The following TMEM244 variants were observed in gnomAD, a reference collection of about 807,000 sequenced individuals.
TMEM244 encodes putative transmembrane protein 244.
Under a neutral mutation model 15.8 loss-of-function variants are expected in TMEM244, and 13 were observed. The ratio of observed to expected loss-of-function variants is 0.82; its 90% CI spans 0.53 to 1.30. TMEM244 has a LOEUF of 1.30. Ranked by LOEUF, TMEM244 falls within the 50% of genes most tolerant of loss-of-function variation. TMEM244 has a pLI of 0.00. For missense variants in TMEM244, 161 were observed against 144.9 expected, an observed-to-expected ratio of 1.11 and a Z score of -0.57; for synonymous variants, 45 against 48.7, an observed-to-expected ratio of 0.92 and a Z score of 0.32.
intron 4 of TMEM244, among the ~76,000 whole-genome samples, chr6:129,832,522 A>G (rs936588377): frequency 2.6e-5 from 4 of 152,200 alleles, no homozygotes; most frequent in African/African-American, 9.7e-5. Context: ...ATTTTGACTG[A>G]CATGCTTTAA....
intron 3 of TMEM244, among the ~76,000 whole-genome samples, chr6:129,834,221 T>A (rs1271510926): frequency 2.6e-5 from 4 of 152,206 alleles, no homozygotes; most frequent in Non-Finnish European, 5.9e-5. Context: ...GCTAGATATT[T>A]ACAGGTGAGA....
chr6:129,852,368 G>T (rs118086254), intron 1 of TMEM244, among the ~76,000 whole-genome samples: 1 of 152,112 alleles, frequency 6.6e-6, no homozygotes, highest in Non-Finnish European at 1.5e-5. Context: ...TGTGCAAGAC[G>T]CCAAGCAAGC....
intron 1 of TMEM244, among the ~76,000 whole-genome samples, chr6:129,851,094 T>A (rs1269338065): frequency 6.6e-6 from 1 of 152,136 alleles, no homozygotes; most frequent in South Asian, 2.1e-4. Context: ...TGTCTTTCAT[T>A]TGCATTTCAC....
intron 4 of TMEM244, among the ~76,000 whole-genome samples, chr6:129,832,329 C>A (rs1447536088): frequency 6.6e-6 from 1 of 151,958 alleles, no homozygotes; most frequent in Non-Finnish European, 1.5e-5. Flanking sequence ...AACTCCTGAC[C>A]TCAGGTGATC....
At chr6:129,848,894 TAC>T (rs1365941033) in intron 1 of TMEM244, among the ~76,000 whole-genome samples, 2 of 152,198 alleles carry the variant, frequency 1.3e-5, no homozygotes, top group African/African-American at 4.8e-5. Context: ...AGATGAATAA[TAC>T]ATAGTCTCTA....
intron 1 of TMEM244, among the ~76,000 whole-genome samples, chr6:129,850,540 A>T (rs1776624329): frequency 6.6e-6 from 1 of 152,196 alleles, no homozygotes; most frequent in African/African-American, 2.4e-5. Context: ...GGACAATAAG[A>T]GGAGCAGGAT....
chr6:129,837,449 G>C (rs907211130), intron 3 of TMEM244, among the ~76,000 whole-genome samples: 1 of 152,108 alleles, frequency 6.6e-6, no homozygotes, highest in African/African-American at 2.4e-5. Context: ...AGGAACAACA[G>C]GTACTAGCCA....
At chr6:129,847,453 G>A (rs1257207256) in intron 1 of TMEM244, among the ~76,000 whole-genome samples, 2 of 152,166 alleles carry the variant, frequency 1.3e-5, no homozygotes, top group Non-Finnish European at 2.9e-5. Flanking sequence ...GGCAAGAGGA[G>A]AAGGTAGTTA....
chr6:129,847,510 G>T (rs1055983768), intron 1 of TMEM244, among the ~76,000 whole-genome samples: 1 of 152,136 alleles, frequency 6.6e-6, no homozygotes, highest in Non-Finnish European at 1.5e-5. Context: ...CAAATTTACA[G>T]ATCTACCAAG....
At chr6:129,840,543 CA>C (rs1776475227) in intron 3 of TMEM244, among the ~76,000 whole-genome samples, 1 of 152,038 alleles carries the variant, frequency 6.6e-6, no homozygotes, top group Admixed American at 6.5e-5. Context: ...ACTAAAACCC[CA>C]AAAGCAATGG....
chr6:129,846,665 G>T (rs922537723), intron 1 of TMEM244, among the ~76,000 whole-genome samples: 5 of 151,938 alleles, frequency 3.3e-5, no homozygotes, highest in Admixed American at 6.6e-5. Flanking sequence ...ATATAATCTT[G>T]CCAATTATAA....
At chr6:129,837,994 T>A (rs1198780685) in intron 3 of TMEM244, among the ~76,000 whole-genome samples, 1 of 152,138 alleles carries the variant, frequency 6.6e-6, no homozygotes, top group Non-Finnish European at 1.5e-5. Context: ...CACCCCACTG[T>A]CAATATTAGA....
intron 3 of TMEM244, among the ~76,000 whole-genome samples, chr6:129,835,713 A>G (rs1362004871): frequency 6.6e-6 from 1 of 152,174 alleles, no homozygotes; most frequent in African/African-American, 2.4e-5. Flanking sequence ...ATACTGCACT[A>G]TTCCCATAGT....
At chr6:129,846,908 T>C (rs956142851) in intron 1 of TMEM244, among the ~76,000 whole-genome samples, 6 of 152,138 alleles carry the variant, frequency 3.9e-5, no homozygotes, top group Non-Finnish European at 1.5e-5. Context: ...GAAAGATTAT[T>C]TGACAAATGG....
At chr6:129,849,338 G>T (rs1253367365) in intron 1 of TMEM244, among the ~76,000 whole-genome samples, 6 of 144,206 alleles carry the variant, frequency 4.2e-5, no homozygotes, top group Non-Finnish European at 9.2e-5. Flanking sequence ...AAATTCATTT[G>T]CTTTTAGTAT....
At chr6:129,851,414 G>A (rs998513291) in intron 1 of TMEM244, among the ~76,000 whole-genome samples, 1 of 152,110 alleles carries the variant, frequency 6.6e-6, no homozygotes, top group African/African-American at 2.4e-5. Flanking sequence ...GGTTACAGGT[G>A]TCTGCCACCA....
chr6:129,835,466 T>A (rs1776390717), intron 3 of TMEM244, among the ~76,000 whole-genome samples: 1 of 151,278 alleles, frequency 6.6e-6, no homozygotes, highest in South Asian at 2.1e-4. Context: ...ACAGCTCTGG[T>A]TTGCAGCTCC....
At chr6:129,834,836 C>T (rs1049694640) in intron 3 of TMEM244, among the ~76,000 whole-genome samples, 28 of 152,154 alleles carry the variant, frequency 1.8e-4, no homozygotes, top group Admixed American at 6.5e-5. Flanking sequence ...ACATCTCATT[C>T]CTCCCTCCCC....
chr6:129,831,474 C>A (rs950041465), intron 4 of TMEM244, 88 bp from the exon 5 acceptor site: 3 of 895,678 alleles, frequency 3.3e-6, no homozygotes, highest in South Asian at 1.4e-5. Context: ...CAAATTATAT[C>A]CACTCAACAA....
Sources: gnomAD v4.1 joint callset for allele counts (sites outside exome capture counted in the v4.1 genomes callset) on GRCh38, gnomAD v4.1.1 for gene constraint, MANE v1.5 for transcripts, NCBI Gene and HGNC (gene_info 2026-07-23, HGNC 2026-07-21) for gene names.